The following RAB10 variants were observed in gnomAD, a reference collection of about 807,000 sequenced individuals.
RAB10 encodes the protein ras-related protein Rab-10.
In RAB10, 5 loss-of-function variants were observed where a neutral mutation model predicts 25.7. That is an observed-to-expected ratio of 0.19 (90% CI 0.10 to 0.41). The LOEUF is 0.41. RAB10 is among the 10% of genes least tolerant of loss of function. The pLI is 1.00. For synonymous variants in RAB10, 89 were observed against 86.4 expected, an observed-to-expected ratio of 1.03 and a Z score of -0.16; for missense variants, 103 against 245.8, an observed-to-expected ratio of 0.42 and a Z score of 3.89.
At position 26,135,455 on chromosome 2, in the gene RAB10, G is replaced by A. The variant is rs2149291913; in HGVS notation, c.*434G>A. ...CCCTATAATCTATAGACATGTGATA[G>A]CAAAAGAAACAAACAAAAGCCAGGA... On this transcript the variant is annotated 3_prime_UTR_variant, in exon 6 of 6. Coordinates refer to ENST00000264710, the MANE Select transcript of RAB10 (RefSeq NM_016131.5). The A allele has an allele frequency of 6.5e-6, 1 of 153,468 alleles. No individual in the cohort carries two copies. The highest frequency in any genetic ancestry group is 2.1e-4 in the South Asian group (1 of 4,830). The allele number at this position is 153,468 out of a possible 1,614,324, so 9.5% of individuals were successfully genotyped here. A position where few individuals can be genotyped will look rare whatever the true frequency, so the allele number is the denominator to read the frequency against.
intron 1 of RAB10, among the ~76,000 whole-genome samples, chr2:26,084,033 C>T (rs568757324): frequency 6.6e-6 from 1 of 152,306 alleles, no homozygotes; most frequent in South Asian, 2.1e-4. Context: ...TTAGAAGGCT[C>T]ACATCACTCT....
rs114758387 is a variant in RAB10 at position 26,044,885 on chromosome 2, A to T, written c.127+10150A>T. On this transcript the variant is annotated intron_variant, in intron 1 of 5. Transcript: ENST00000264710. ...GAATCCACAGCCAATCTTATTCATA[A>T]CCACATTGCTCATTCTGAGAATTTC... is the stretch of plus-strand genomic sequence containing the variant. Among the ~76,000 whole-genome samples, 370 of 152,076 alleles carry T rather than the reference A, an allele frequency of 2.4e-3. 2 individuals carry two copies. Among genetic ancestry groups the T allele is most frequent in the Non-Finnish European group, 4.0e-3 (273 of 67,992 alleles).
intron 1 of RAB10, among the ~76,000 whole-genome samples, chr2:26,051,230 C>G (rs1013141595): frequency 6.6e-6 from 1 of 152,012 alleles, no homozygotes; most frequent in Non-Finnish European, 1.5e-5. Flanking sequence ...AGCCACCATG[C>G]CTGGCATAAA....
At chr2:26,087,750 A>T (rs925383037) in intron 1 of RAB10, among the ~76,000 whole-genome samples, 1 of 152,214 alleles carries the variant, frequency 6.6e-6, no homozygotes, top group Non-Finnish European at 1.5e-5. Flanking sequence ...AAAGGAAATA[A>T]TACTATGAAC....
intron 3 of RAB10, among the ~76,000 whole-genome samples, chr2:26,116,214 C>T (rs903875935): frequency 5.9e-5 from 9 of 152,072 alleles, no homozygotes; most frequent in African/African-American, 1.7e-4. Flanking sequence ...ATGGGTGTCT[C>T]ACCATGTTGC....
chr2:26,114,129 CAATATT>C lies in RAB10; in HGVS notation c.327+4226_327+4231del, dbSNP rs1279191608. 9.9e-5 allele frequency among the ~76,000 whole-genome samples: 15 copies of C among 152,154 alleles called. No individual in the cohort carries two copies. The East Asian group carries it at 2.9e-3, about 29-fold the overall frequency. On this transcript the variant is annotated intron_variant, in intron 3 of 5. Transcript: ENST00000264710. ...TAGCCATTATTTGTGAATTGGAAGA[CAATATT>C]AAGATGGCATTACTACCCAAAGTGA... is the stretch of plus-strand genomic sequence containing the variant.
chr2:26,036,012 G>A (rs1574520914), intron 1 of RAB10, among the ~76,000 whole-genome samples: 1 of 151,952 alleles, frequency 6.6e-6, no homozygotes, highest in South Asian at 2.1e-4. Context: ...TGTTTTCTTG[G>A]TCTGTCATAA....
At chr2:26,134,001 G>A (rs1668058894) in intron 5 of RAB10, among the ~76,000 whole-genome samples, 1 of 152,160 alleles carries the variant, frequency 6.6e-6, no homozygotes, top group African/African-American at 2.4e-5. Context: ...AATATTTAGT[G>A]TTGGGAAAAA....
At chr2:26,056,931 G>C (rs1303013964) in intron 1 of RAB10, among the ~76,000 whole-genome samples, 1 of 152,128 alleles carries the variant, frequency 6.6e-6, no homozygotes, top group Non-Finnish European at 1.5e-5. Context: ...CCTAAAAACT[G>C]TGTGGTGCCT....
chr2:26,127,727 C>G, intron 4 of RAB10, 123 bp from the exon 5 acceptor site: 1 of 634,888 alleles, frequency 1.6e-6, no homozygotes, highest in Non-Finnish European at 2.8e-6. Flanking sequence ...CTGAAATATT[C>G]TGTGTTATAT....
chr2:26,084,198 C>T (rs1189582574), intron 1 of RAB10, among the ~76,000 whole-genome samples: 2 of 152,168 alleles, frequency 1.3e-5, no homozygotes, highest in East Asian at 1.9e-4. Context: ...TCTCTCAGTG[C>T]GTCATTCCTT....
At chr2:26,069,356 A>C (rs1260001663) in intron 1 of RAB10, among the ~76,000 whole-genome samples, 1 of 152,152 alleles carries the variant, frequency 6.6e-6, no homozygotes, top group Non-Finnish European at 1.5e-5. Flanking sequence ...TTTTTGAGAC[A>C]TATCCTGAGG....
intron 1 of RAB10, among the ~76,000 whole-genome samples, chr2:26,090,943 A>C (rs865784176): frequency 0.081 from 816 of 10,124 alleles, 5 homozygotes; most frequent in East Asian, 0.23. Context: ...CCCCCCCCAA[A>C]AAAAAAAAAA....
At chr2:26,099,329 A>G (rs988891546) in intron 2 of RAB10, among the ~76,000 whole-genome samples, 32 of 152,208 alleles carry the variant, frequency 2.1e-4, no homozygotes, top group African/African-American at 7.5e-4. Context: ...ATAAGTGCAC[A>G]TAAAGTGTAA....
At position 26,104,699 on chromosome 2, in the gene RAB10, T is replaced by G. The variant is rs544206027; in HGVS notation, c.189-5069T>G. On this transcript the variant is annotated intron_variant, in intron 2 of 5. Transcript: ENST00000264710. ...GTTTTCTTCTAAGAGTTTTTATAGT[T>G]CAGCTGTTGGATTTAGGTCTTGATC... 1.2e-4 allele frequency among the ~76,000 whole-genome samples: 18 copies of G among 152,216 alleles called. No individual in the cohort carries two copies. The East Asian group carries it at 3.5e-3, about 29-fold the overall frequency.
intron 1 of RAB10, among the ~76,000 whole-genome samples, chr2:26,042,269 A>G (rs1367877366): frequency 2.6e-5 from 4 of 152,162 alleles, no homozygotes; most frequent in African/African-American, 4.8e-5. Context: ...GGTATAATAC[A>G]TACATTTTGT....
intron 1 of RAB10, among the ~76,000 whole-genome samples, chr2:26,089,646 A>G (rs536148973): frequency 1.9e-4 from 29 of 152,180 alleles, no homozygotes; most frequent in African/African-American, 6.7e-4. Flanking sequence ...TTTCCCAAAC[A>G]TTTTTAGGCT....
Position 26,034,408 on chromosome 2 carries a change from T to G in RAB10, c.-201T>G, listed in dbSNP as rs1574520167. 1.5e-6 allele frequency: 1 copy of G among 664,056 alleles called. No individual in the cohort carries two copies. The highest frequency in any genetic ancestry group is 2.5e-6 in the Non-Finnish European group (1 of 398,200). 41.1% of individuals were successfully genotyped at this position (664,056 alleles called of 1,614,324 possible). A position where few individuals can be genotyped will look rare whatever the true frequency, so the allele number is the denominator to read the frequency against. On this transcript the variant is annotated 5_prime_UTR_variant, in exon 1 of 6. Transcript: ENST00000264710. ...GCTGGGAGAGGCTGCGGAGCCGCGG[T>G]CGCCGCCCTCGGAGGCACTGGACGC... is the stretch of plus-strand genomic sequence containing the variant.
At chr2:26,121,172 A>G (rs564608369) in intron 3 of RAB10, among the ~76,000 whole-genome samples, 28 of 152,324 alleles carry the variant, frequency 1.8e-4, no homozygotes, top group African/African-American at 6.0e-4. Flanking sequence ...TCAGCCTCCC[A>G]AAGTGCTGGC....
Sources: allele counts gnomAD v4.1 joint callset (sites outside exome capture counted in the v4.1 genomes callset), GRCh38; gene constraint gnomAD v4.1.1; transcripts MANE v1.5; gene names NCBI Gene and HGNC (gene_info 2026-07-23, HGNC 2026-07-21).